Variants in PIAS4 observed in about 807,000 individuals in gnomAD.
PIAS4 encodes E3 SUMO-protein ligase PIAS4.
In PIAS4, 7 loss-of-function variants were observed where a neutral mutation model predicts 58.0. The ratio of observed to expected loss-of-function variants is 0.12; its 90% CI spans 0.07 to 0.23. The LOEUF (loss-of-function observed/expected upper bound fraction) is 0.23, where lower values mean the gene tolerates loss of function less well. PIAS4 is among the 10% of genes least tolerant of loss of function. PIAS4 has a pLI of 1.00. For missense variants in PIAS4, 550 were observed against 709.5 expected (o/e 0.78, Z 2.55); for synonymous variants, 364 against 312.4 (o/e 1.17, Z -1.74).
At chr19:4,010,400 G>C (rs2039981573) in intron 1 of PIAS4, among the ~76,000 whole-genome samples, 1 of 152,258 alleles carries the variant, frequency 6.6e-6, no homozygotes, top group South Asian at 2.1e-4. Context: ...CAGTCTGCCA[G>C]TGTGAAGTGT....
intron 7 of PIAS4, 40 bp downstream of exon 7, chr19:4,029,076 C>A: frequency 6.8e-7 from 1 of 1,465,540 alleles, no homozygotes; most frequent in South Asian, 1.2e-5. Context: ...GGTGCCAAGT[C>A]CACCCTGGAA....
At chr19:4,023,189 A>T (rs2040127931) in intron 2 of PIAS4, among the ~76,000 whole-genome samples, 1 of 148,482 alleles carries the variant, frequency 6.7e-6, no homozygotes, top group African/African-American at 2.5e-5. Context: ...AAAAAAAAAA[A>T]TGGGGCTGGC....
intron 4 of PIAS4, 62 bp from the exon 5 acceptor site, chr19:4,028,448 G>T (rs2040189989): frequency 1.6e-6 from 2 of 1,231,266 alleles, no homozygotes; most frequent in Non-Finnish European, 2.3e-6. Context: ...GTGTACCCCC[G>T]CAGCAGCCTA....
At chr19:4,025,212 A>C (rs1338609795) in intron 3 of PIAS4, among the ~76,000 whole-genome samples, 2 of 152,150 alleles carry the variant, frequency 1.3e-5, no homozygotes, top group Admixed American at 1.3e-4. Flanking sequence ...GCTCTGTGCC[A>C]GGAACACCCC....
intron 1 of PIAS4, among the ~76,000 whole-genome samples, chr19:4,011,532 C>T (rs1019687038): frequency 3.3e-5 from 5 of 152,366 alleles, no homozygotes; most frequent in Middle Eastern, 3.4e-3. Context: ...CCAGGTCCTG[C>T]CAAGCCTCAT....
intron 2 of PIAS4, among the ~76,000 whole-genome samples, chr19:4,016,175 G>A (rs1011095123): frequency 1.3e-5 from 2 of 152,234 alleles, no homozygotes; most frequent in African/African-American, 4.8e-5. Context: ...CGCCACCTGG[G>A]GAGTCCGGCT....
rs139902795 is a variant in PIAS4 at position 4,013,165 on chromosome 19, C to T, written c.270C>T (p.Tyr90=). ...PLDPLTMHST[Y]DRAGAVPRTP... is the part of the protein sequence containing the mutation. ...ACCCCCTGACCATGCACTCCACCTA[C>T]GACCGGGCCGGCGCTGTGCCCAGGA... The change falls in exon 2 of 11, where the codon TAC becomes TAT. Residue 90 remains tyrosine (Y), a synonymous_variant. Transcript: ENST00000262971. This position sits in a 1 kb window ranked among gnomAD's most constrained non-coding sequence, Gnocchi z 5.1. The T allele has an allele frequency of 2.6e-5, 42 of 1,613,308 alleles. 1 individual carries two copies. The highest frequency in any genetic ancestry group is 1.6e-4 in the Middle Eastern group (1 of 6,084).
chr19:4,033,705 G>C, intron 9 of PIAS4, 125 bp downstream of exon 9: 2 of 818,888 alleles, frequency 2.4e-6, no homozygotes, highest in Middle Eastern at 3.3e-4. Context: ...CATGGTCCTG[G>C]AGCTTTGGAA....
intron 1 of PIAS4, among the ~76,000 whole-genome samples, chr19:4,009,841 G>A (rs2039976137): frequency 6.6e-6 from 1 of 152,196 alleles, no homozygotes; most frequent in Non-Finnish European, 1.5e-5. Context: ...TTTGAAATCT[G>A]AGACTCTCAG....
Position 4,037,427 on chromosome 19 carries a change from T to C in PIAS4, c.1196T>C (p.Leu399Pro). The C allele has an allele frequency of 6.2e-7, 1 of 1,611,678 alleles. No individual in the cohort carries two copies. Among genetic ancestry groups the C allele is most frequent in the Non-Finnish European group, 8.5e-7 (1 of 1,179,402 alleles). Reference protein sequence around the residue: ...ECEDADEIEYLVDGSWCPIRA... With the variant: ...ECEDADEIEYPVDGSWCPIRA... ...GAGGACGCCGACGAGATCGAGTACC[T>C]GGTGGACGGCTCGTGGTGCCCGATC... The change falls in exon 10 of 11, where the codon CTG becomes CCG. Residue 399 changes from leucine (L) to proline (P), a missense_variant. This residue lies in a region of PIAS4 where 188 missense variants were observed against 192.0 expected (regional missense o/e 0.98). Transcript: ENST00000262971. The surrounding 1 kb of genome is among the most constrained non-coding windows in gnomAD (Gnocchi z 5.8).
intron 3 of PIAS4, among the ~76,000 whole-genome samples, chr19:4,025,055 C>T (rs771975895): frequency 9.8e-5 from 15 of 152,298 alleles, no homozygotes; most frequent in Non-Finnish European, 2.1e-4. Flanking sequence ...TGAGCCACTG[C>T]GCCTGGCGGA....
chr19:4,014,967 CGAGGCTCCTCCCTCCAGCCT>C (rs952283345), intron 2 of PIAS4, among the ~76,000 whole-genome samples: 2 of 152,088 alleles, frequency 1.3e-5, no homozygotes, highest in African/African-American at 4.8e-5. Flanking sequence ...CTGCGGCAGC[CGAGGCTCCTCCCTCCAGCCT>C]GAGGCTCCGC....
At position 4,013,104 on chromosome 19, in the gene PIAS4, A is replaced by G; in HGVS notation, c.209A>G (p.Asn70Ser). ...ELYETRYAKK[N>S]SEPAPQPHRP... ...TACGAGACCCGCTACGCCAAGAAGA[A>G]CTCGGAGCCTGCCCCACAGCCGCAC... The change falls in exon 2 of 11, where the codon AAC (asparagine) becomes AGC (serine). Residue 70 changes from asparagine to serine, a missense_variant. By Grantham distance (46) the Asn-to-Ser change is conservative. Transcript: ENST00000262971. This position sits in a 1 kb window ranked among gnomAD's most constrained non-coding sequence, Gnocchi z 5.1. The G allele has an allele frequency of 1.2e-6, 2 of 1,613,122 alleles. No individual in the cohort carries two copies.
At chr19:4,030,836 C>T (rs1427242675) in intron 7 of PIAS4, among the ~76,000 whole-genome samples, 1 of 152,172 alleles carries the variant, frequency 6.6e-6, no homozygotes, top group African/African-American at 2.4e-5. Context: ...ATGCTTGGGG[C>T]CCAGGCCTCA....
intron 7 of PIAS4, 62 bp from the exon 8 acceptor site, chr19:4,033,038 T>C (rs2040237114): frequency 7.4e-7 from 1 of 1,360,404 alleles, no homozygotes; most frequent in East Asian, 2.3e-5. Flanking sequence ...AGAACTCGAA[T>C]CACAGCCCCG....
intron 2 of PIAS4, among the ~76,000 whole-genome samples, chr19:4,022,434 T>TCGCCTCCCTGCAAGCTC (rs1371398175): frequency 3.3e-5 from 5 of 151,954 alleles, no homozygotes; most frequent in Admixed American, 6.6e-5. Context: ...ACTGCAAGCT[T>TCGCCTCCCTGCAAGCTC]CGCCTCCCTG....
intron 1 of PIAS4, among the ~76,000 whole-genome samples, chr19:4,009,597 C>G (rs909630402): frequency 6.6e-6 from 1 of 152,022 alleles, no homozygotes; most frequent in African/African-American, 2.4e-5. Context: ...CAAGTTGACC[C>G]TTCTTTCAGG....
Position 4,022,468 on chromosome 19 carries a change from G to A in PIAS4, c.455-1568G>A, listed in dbSNP as rs1175192845. Among the ~76,000 whole-genome samples the A allele has an allele frequency of 3.9e-5, 6 of 151,990 alleles. No homozygotes were observed. The East Asian group carries it at 5.8e-4, about 15-fold the overall frequency. Reference sequence around the variant, plus strand: ...TGCAAGCTCCGCCTCCCAGGTTCGCGCCATTCTCCTGCCTCAGCCTCCCTA... The same window carrying A: ...TGCAAGCTCCGCCTCCCAGGTTCGCACCATTCTCCTGCCTCAGCCTCCCTA... On this transcript the variant is annotated intron_variant, in intron 2 of 10. Coordinates refer to ENST00000262971, the MANE Select transcript of PIAS4 (RefSeq NM_015897.4).
Position 4,037,932 on chromosome 19 carries a change from C to T in PIAS4, c.*57C>T. 8 of 1,515,416 alleles carry T rather than the reference C, an allele frequency of 5.3e-6. No homozygotes were observed. Among genetic ancestry groups the T allele is most frequent in the Admixed American group, 2.3e-5 (1 of 44,246 alleles). 93.9% of individuals were successfully genotyped at this position (1,515,416 alleles called of 1,614,324 possible). On this transcript the variant is annotated 3_prime_UTR_variant, in exon 11 of 11. Transcript: ENST00000262971. This position sits in a 1 kb window ranked among gnomAD's most constrained non-coding sequence, Gnocchi z 5.8. The stretch of plus-strand genomic sequence containing the variant: ...CACCACGCAGAGGGGCACGGGCCAG[C>T]CTCGGGCGCAGAGGGAGGAGTGACC...
Sources: allele counts gnomAD v4.1 joint callset (sites outside exome capture counted in the v4.1 genomes callset), GRCh38; gene constraint gnomAD v4.1.1; regional missense constraint gnomAD v4.1.1; non-coding constraint Gnocchi (gnomAD v3.1); transcripts MANE v1.5; gene names NCBI Gene and HGNC (gene_info 2026-07-23, HGNC 2026-07-21).